Variants in PCF11 observed in about 807,000 individuals in gnomAD.
PCF11 encodes the protein PCF11 cleavage and polyadenylation factor subunit.
A neutral mutation model predicts 166.1 loss-of-function variants in PCF11; 19 were observed. The ratio of observed to expected loss-of-function variants is 0.11; its 90% CI spans 0.08 to 0.17. The LOEUF is 0.17. Ranked by LOEUF, PCF11 falls within the 10% of genes least tolerant of loss-of-function variation. The pLI is 1.00. For synonymous variants in PCF11, 663 were observed against 644.1 expected (o/e 1.03, Z -0.44); for missense variants, 1,565 against 1,855.5 (o/e 0.84, Z 2.88).
At chr11:83,170,817 C>T (rs1404420492) in intron 8 of PCF11, among the ~76,000 whole-genome samples, 7 of 152,048 alleles carry the variant, frequency 4.6e-5, no homozygotes, top group African/African-American at 1.7e-4. Flanking sequence ...GAAGAAAATA[C>T]AAAATAAGAA....
exon 8 of PCF11, chr11:83,169,535 C>G: frequency 6.2e-7 from 1 of 1,613,740 alleles, no homozygotes; most frequent in Non-Finnish European, 8.5e-7. Context: ...GAAAGGACTC[C>G]TGGTCAGCCA....
chr11:83,168,347 A>T, intron 7 of PCF11, 81 bp from the exon 8 acceptor site: 1 of 1,270,260 alleles, frequency 7.9e-7, no homozygotes, highest in South Asian at 1.6e-5. Flanking sequence ...TGAGATAGTT[A>T]TATATTTGGA....
chr11:83,181,400 A>ATT (rs1190809041), intron 12 of PCF11, among the ~76,000 whole-genome samples: 24 of 148,384 alleles, frequency 1.6e-4, no homozygotes, highest in African/African-American at 5.9e-4. Flanking sequence ...TTTGAAGAGT[A>ATT]TTTTTTTTTT....
intron 15 of PCF11, among the ~76,000 whole-genome samples, chr11:83,183,282 G>A (rs929097193): frequency 1.3e-5 from 2 of 151,886 alleles, no homozygotes; most frequent in African/African-American, 4.8e-5. Context: ...CTGTGATAAC[G>A]CAAACAATTA....
chr11:83,185,003 T>A, exon 16 of PCF11: 2 of 665,832 alleles, frequency 3.0e-6, no homozygotes, highest in South Asian at 2.1e-5. Flanking sequence ...ATTGTCTGGC[T>A]GAGGCAGGGC....
In PCF11 at chr11:83,157,322, TG is replaced by T; in HGVS notation, c.-116del. 1.1e-6 allele frequency: 1 copy of T among 877,688 alleles called. No individual in the cohort carries two copies. The highest frequency in any genetic ancestry group is 1.6e-5 in the South Asian group (1 of 61,048). The allele number at this position is 877,688 out of a possible 1,614,324, so 54.4% of individuals were successfully genotyped here. A position where few individuals can be genotyped will look rare whatever the true frequency, so the allele number is the denominator to read the frequency against. Reference sequence around the variant, plus strand: ...CCATCCCCCCTCCGCGGTCAGCATGTGGTGAAGCCGGAGCCGCGAGAGAGCC... The same window carrying T: ...CCATCCCCCCTCCGCGGTCAGCATGTGTGAAGCCGGAGCCGCGAGAGAGCC... On this transcript the variant is annotated 5_prime_UTR_variant, in exon 1 of 16. An upstream open reading frame in the 5' UTR loses its in-frame stop. Transcript: ENST00000298281.
chr11:83,171,635 G>A (rs1259044363), intron 8 of PCF11, among the ~76,000 whole-genome samples, 183 bp from the exon 9 acceptor site: 1 of 152,116 alleles, frequency 6.6e-6, no homozygotes, highest in Non-Finnish European at 1.5e-5. Context: ...GATAAGGGAA[G>A]GTTTTATTGT....
chr11:83,164,468 G>T, intron 4 of PCF11, 67 bp downstream of exon 4: 2 of 1,164,426 alleles, frequency 1.7e-6, no homozygotes, highest in South Asian at 1.5e-5. Context: ...TAATGTTTAT[G>T]TTTGAATTTT....
chr11:83,184,989 A>C (rs1861231274), exon 16 of PCF11: 2 of 761,822 alleles, frequency 2.6e-6, no homozygotes, highest in Non-Finnish European at 2.0e-6. Context: ...ACATATCTAT[A>C]TAAATTGTCT....
exon 8 of PCF11, chr11:83,169,327 C>A: frequency 6.2e-7 from 1 of 1,611,738 alleles, no homozygotes; most frequent in Non-Finnish European, 8.5e-7. Flanking sequence ...GTTTGAAGGC[C>A]CTTTAGTCCA....
At chr11:83,177,653 C>A in intron 10 of PCF11, 61 bp from the exon 11 acceptor site, 1 of 801,954 alleles carries the variant, frequency 1.2e-6, no homozygotes. Flanking sequence ...TATAGTGTTC[C>A]TCTGTAGAGA....
At position 83,179,600 on chromosome 11, in the gene PCF11, T is replaced by C. The variant is rs530787549; in HGVS notation, c.3984-1408T>C. Among the ~76,000 whole-genome samples, 140 of 152,248 alleles carry C rather than the reference T, an allele frequency of 9.2e-4. 2 individuals carry two copies. The highest frequency in any genetic ancestry group is 3.4e-3 in the Middle Eastern group (1 of 294). On this transcript the variant is annotated intron_variant, in intron 11 of 15. Coordinates refer to ENST00000298281, the Ensembl canonical transcript of PCF11. The stretch of plus-strand genomic sequence containing the variant: ...ATTTACCACATCTGGACATAATCTC[T>C]TAACTTTCTGAAAGTGATTTAGGCT...
exon 1 of PCF11, chr11:83,157,239 C>G (rs1272585076): frequency 3.4e-6 from 2 of 593,812 alleles, no homozygotes; most frequent in East Asian, 2.8e-5. Flanking sequence ...TGGAAGTGGA[C>G]GGAGATCACC....
exon 1 of PCF11, chr11:83,157,401 C>T (rs780315400): frequency 6.3e-7 from 1 of 1,586,404 alleles, no homozygotes. Context: ...GCGGCTTCAG[C>T]TTCAGCTGCA....
At chr11:83,185,847 TTG>T (rs1861272710) in exon 16 of PCF11, 2 of 152,656 alleles carry the variant, frequency 1.3e-5, no homozygotes, top group Non-Finnish European at 1.5e-5. Context: ...GACTTTCTTG[TTG>T]TCTTTCATCT....
chr11:83,163,020 C>T (rs772065581), intron 2 of PCF11, among the ~76,000 whole-genome samples: 1 of 152,220 alleles, frequency 6.6e-6, no homozygotes, highest in Non-Finnish European at 1.5e-5. Flanking sequence ...ATCCACCTGC[C>T]TCGGCCTCTC....
chr11:83,159,191 TA>T (rs554311433), intron 1 of PCF11, among the ~76,000 whole-genome samples: 3 of 152,238 alleles, frequency 2.0e-5, no homozygotes, highest in South Asian at 4.1e-4. Context: ...AAAGTGTATG[TA>T]AAACAGCTTT....
At chr11:83,157,255 G>A in exon 1 of PCF11, 1 of 598,864 alleles carries the variant, frequency 1.7e-6, no homozygotes, top group Admixed American at 3.0e-5. Context: ...TCACCCGCGA[G>A]ACGGCGGCGT....
chr11:83,184,329 C>CA (rs141372490), intron 15 of PCF11: 10,686 of 191,970 alleles, frequency 0.056, 1,239 homozygotes, highest in African/African-American at 0.24. Context: ...AAAAAATCCT[C>CA]AGACTATTTG....
Sources: gnomAD v4.1 joint callset for allele counts (sites outside exome capture counted in the v4.1 genomes callset) on GRCh38, gnomAD v4.1.1 for gene constraint, MANE v1.5 for transcripts, NCBI Gene and HGNC (gene_info 2026-07-23, HGNC 2026-07-21) for gene names.